The following EVI5 variants were observed in gnomAD, a reference collection of about 807,000 sequenced individuals.
The protein encoded by EVI5 is ecotropic viral integration site 5.
In EVI5, 73 loss-of-function variants were observed where a neutral mutation model predicts 112.0. The observed-to-expected ratio is 0.65, with a 90% confidence interval of 0.54 to 0.79. The LOEUF is 0.79. EVI5 is among the 30% of genes least tolerant of loss of function. The pLI is 0.00. For synonymous variants in EVI5, 305 were observed against 319.9 expected, an observed-to-expected ratio of 0.95 and a Z score of 0.50; for missense variants, 900 against 968.8, an observed-to-expected ratio of 0.93 and a Z score of 0.94.
chr1:92,738,805 T>C (rs1005152801), intron 1 of EVI5, among the ~76,000 whole-genome samples: 1 of 152,212 alleles, frequency 6.6e-6, no homozygotes, highest in African/African-American at 2.4e-5. Context: ...CATCAGGTAC[T>C]ATTTTTCCTT....
intron 16 of EVI5, among the ~76,000 whole-genome samples, chr1:92,611,656 G>A (rs184766540): frequency 1.7e-3 from 245 of 142,392 alleles, no homozygotes; most frequent in Middle Eastern, 3.9e-3. Flanking sequence ...CCAAGATTGC[G>A]CCACTGCACT....
At chr1:92,600,741 T>A (rs925567269) in intron 18 of EVI5, among the ~76,000 whole-genome samples, 1 of 152,080 alleles carries the variant, frequency 6.6e-6, no homozygotes, top group African/African-American at 2.4e-5. Flanking sequence ...TGACAGGAGG[T>A]GGAGCTCAGA....
upstream of EVI5, among the ~76,000 whole-genome samples, chr1:92,787,752 AAGAG>A (rs941827035): frequency 1.2e-4 from 18 of 151,870 alleles, no homozygotes; most frequent in South Asian, 1.5e-3. Flanking sequence ...AAAAAAAAAA[AAGAG>A]AGAGAAAGAG....
intron 19 of EVI5, among the ~76,000 whole-genome samples, chr1:92,562,508 C>T (rs569340135): frequency 1.3e-4 from 19 of 151,898 alleles, no homozygotes; most frequent in African/African-American, 2.9e-4. Flanking sequence ...CCAGCCTGGC[C>T]GACAGAGCGA....
At chr1:92,759,989 T>C (rs1211474845) in intron 1 of EVI5, among the ~76,000 whole-genome samples, 1 of 152,130 alleles carries the variant, frequency 6.6e-6, no homozygotes, top group Non-Finnish European at 1.5e-5. Context: ...TGAGTTTTAA[T>C]AGTTTGCTCT....
At chr1:92,706,826 A>C (rs985831147) in intron 2 of EVI5, among the ~76,000 whole-genome samples, 1 of 152,246 alleles carries the variant, frequency 6.6e-6, no homozygotes, top group Non-Finnish European at 1.5e-5. Context: ...TTATCTTATA[A>C]AATGGTTTAA....
chr1:92,563,712 T>C lies in EVI5; in HGVS notation c.2096A>G (p.Gln699Arg). Residue 699 changes from glutamine to arginine, a missense_variant, in exon 19 of 20, where the codon CAG (glutamine) becomes CGG (arginine). Coordinates refer to ENST00000684568, the MANE Select transcript of EVI5 (RefSeq NM_001350197.2). The part of the protein sequence containing the change: ...IQKEEGKLQG[Q>R]LNKSDSNQYI... ...CTGGTTAGAATCAGACTTGTTAAGC[T>C]GTCCTTGAAGCTTTCCTTCTTCTTT... 3.7e-6 allele frequency: 6 copies of C among 1,609,184 alleles called. No homozygotes were observed. Among genetic ancestry groups the C allele is most frequent in the Non-Finnish European group, 5.1e-6 (6 of 1,176,772 alleles).
intron 10 of EVI5, among the ~76,000 whole-genome samples, chr1:92,670,363 T>C (rs1665664047): frequency 6.6e-6 from 1 of 152,226 alleles, no homozygotes; most frequent in African/African-American, 2.4e-5. Flanking sequence ...CAACAATTGT[T>C]TTCACTGAGA....
chr1:92,773,449 T>C (rs1570905057), intron 1 of EVI5, among the ~76,000 whole-genome samples: 1 of 152,146 alleles, frequency 6.6e-6, no homozygotes, highest in Admixed American at 6.6e-5. Context: ...TGGTAAAAGA[T>C]ATCACAATTC....
At chr1:92,603,328 C>T (rs1649593823) in intron 18 of EVI5, among the ~76,000 whole-genome samples, 1 of 152,164 alleles carries the variant, frequency 6.6e-6, no homozygotes, top group South Asian at 2.1e-4. Context: ...ACTATATGAT[C>T]CAGCAATTCC....
At chr1:92,719,808 A>C (rs1674427062) in intron 2 of EVI5, among the ~76,000 whole-genome samples, 1 of 152,074 alleles carries the variant, frequency 6.6e-6, no homozygotes, top group Non-Finnish European at 1.5e-5. Flanking sequence ...CCATTGTCTC[A>C]GCCCAAAATC....
At chr1:92,769,130 A>G (rs1032552917) in intron 1 of EVI5, among the ~76,000 whole-genome samples, 2 of 152,110 alleles carry the variant, frequency 1.3e-5, no homozygotes, top group African/African-American at 4.8e-5. Flanking sequence ...CCTTATCTTA[A>G]CTTGATCTCT....
intron 1 of EVI5, among the ~76,000 whole-genome samples, chr1:92,738,688 T>C (rs1045396694): frequency 6.6e-5 from 10 of 152,240 alleles, no homozygotes; most frequent in African/African-American, 2.4e-4. Context: ...CTTCAAGTTT[T>C]AAGTTCTTAA....
chr1:92,739,292 A>AAG, intron 1 of EVI5, among the ~76,000 whole-genome samples: 1 of 150,570 alleles, frequency 6.6e-6, no homozygotes, highest in South Asian at 2.1e-4. Flanking sequence ...AAAAAAAAAA[A>AAG]GCGAACACAC....
chr1:92,589,960 T>C (rs958259095), intron 18 of EVI5, among the ~76,000 whole-genome samples: 12 of 152,126 alleles, frequency 7.9e-5, no homozygotes, highest in Admixed American at 7.2e-4. Flanking sequence ...TGTTCACCAA[T>C]ATCCGCTGTT....
At chr1:92,665,716 A>G (rs1664775279) in intron 11 of EVI5, among the ~76,000 whole-genome samples, 1 of 152,240 alleles carries the variant, frequency 6.6e-6, no homozygotes, top group Non-Finnish European at 1.5e-5. Context: ...TGTTACTGTT[A>G]ATCTCAGTTA....
chr1:92,710,159 A>G (rs1672632229), intron 2 of EVI5, among the ~76,000 whole-genome samples: 1 of 151,770 alleles, frequency 6.6e-6, no homozygotes, highest in African/African-American at 2.4e-5. Flanking sequence ...ACTGGGCAAC[A>G]TGGAGAAACC....
chr1:92,666,603 G>T (rs1176105547), intron 10 of EVI5, among the ~76,000 whole-genome samples: 1 of 138,988 alleles, frequency 7.2e-6, no homozygotes, highest in African/African-American at 2.7e-5. Flanking sequence ...GAGGGGAGGG[G>T]AGGGGAAGGG....
At chr1:92,713,252 T>C (rs1673106184) in intron 2 of EVI5, among the ~76,000 whole-genome samples, 1 of 151,870 alleles carries the variant, frequency 6.6e-6, no homozygotes, top group Non-Finnish European at 1.5e-5. Context: ...ACCAGCCAGA[T>C]TTTGGGTACT....
Sources: allele counts gnomAD v4.1 joint callset (sites outside exome capture counted in the v4.1 genomes callset), GRCh38; gene constraint gnomAD v4.1.1; transcripts MANE v1.5; gene names NCBI Gene and HGNC (gene_info 2026-07-23, HGNC 2026-07-21).